NR2F2: variants seen among roughly 807,000 people sequenced by gnomAD.
NR2F2 encodes COUP transcription factor 2.
In NR2F2, 2 loss-of-function variants were observed where a neutral mutation model predicts 34.8. That is an observed-to-expected ratio of 0.06 (90% CI 0.02 to 0.18). NR2F2 has a LOEUF of 0.18. Among genes scored for constraint, NR2F2 ranks in the 10% least tolerant of loss-of-function variants. The pLI, the probability that NR2F2 is intolerant of heterozygous loss-of-function variation, is 1.00. For synonymous variants in NR2F2, 274 were observed against 251.8 expected (o/e 1.09, Z -0.84); for missense variants, 300 against 580.1 (o/e 0.52, Z 4.96).
chr15:96,334,737 G>A, intron 2 of NR2F2, 134 bp downstream of exon 2: 2 of 969,974 alleles, frequency 2.1e-6, no homozygotes, highest in African/African-American at 3.3e-5. Flanking sequence ...CTTAAAGTGG[G>A]AACTTTTTAT....
intron 2 of NR2F2, among the ~76,000 whole-genome samples, chr15:96,336,033 C>A (rs1899314684): frequency 2.0e-5 from 3 of 152,250 alleles, no homozygotes. Context: ...CTCCCTACCT[C>A]ATAGCCACCT....
chr15:96,326,226 C>A (rs759292116), upstream of NR2F2: 4 of 1,128,510 alleles, frequency 3.5e-6, no homozygotes, highest in Non-Finnish European at 5.4e-6. This position sits in a 1 kb window ranked among gnomAD's most constrained non-coding sequence, Gnocchi z 5.5. Context: ...CTTTAATTAT[C>A]AAAGACACAT....
upstream of NR2F2, among the ~76,000 whole-genome samples, chr15:96,329,034 G>C (rs1021839453): frequency 3.3e-5 from 5 of 151,954 alleles, no homozygotes; most frequent in Non-Finnish European, 5.9e-5. Flanking sequence ...TCTTTACCCT[G>C]TCAATTTTTT....
In NR2F2 at chr15:96,331,470, T is replaced by C. The variant is rs1899139643; in HGVS notation, c.-636T>C. 1 of 1,230,724 alleles carries C rather than the reference T, an allele frequency of 8.1e-7. No individual in the cohort carries two copies. Among genetic ancestry groups the C allele is most frequent in the East Asian group, 3.2e-5 (1 of 31,636 alleles). 76.2% of individuals were successfully genotyped at this position (1,230,724 alleles called of 1,614,324 possible). A position where few individuals can be genotyped will look rare whatever the true frequency, so the allele number is the denominator to read the frequency against. On this transcript the variant is annotated 5_prime_UTR_variant, in exon 1 of 3. Coordinates refer to ENST00000394166, the MANE Select transcript of NR2F2 (RefSeq NM_021005.4). ...GCCTCCGATCTCCTAGTCCTCCTGA[T>C]TTCGATGGCTTTCCTGAATGGCTGA...
In NR2F2 at chr15:96,337,308, T is replaced by TTC. The variant is rs1555447454; in HGVS notation, c.971-39_971-38insCT. The TTC allele has an allele frequency of 1.9e-5, 28 of 1,469,062 alleles. No homozygotes were observed. In the African/African-American group the frequency reaches 3.3e-4, roughly 17 times the overall value. The allele number at this position is 1,469,062 out of a possible 1,614,324, so 91.0% of individuals were successfully genotyped here. A position where few individuals can be genotyped will look rare whatever the true frequency, so the allele number is the denominator to read the frequency against. On this transcript the variant is annotated intron_variant, in intron 2 of 2. Coordinates refer to ENST00000394166, the MANE Select transcript of NR2F2 (RefSeq NM_021005.4). Reference sequence around the variant, plus strand: ...TCTTCTTCTTCTTCTTCTTCTTCTTTTTCTTCTTCTTCTTCTTCTGTTTTT... The same window carrying TTC: ...TCTTCTTCTTCTTCTTCTTCTTCTTTTCTTCTTCTTCTTCTTCTTCTGTTTTT...
chr15:96,330,573 G>C (rs1056001250), upstream of NR2F2: 1 of 150,494 alleles, frequency 6.6e-6, no homozygotes, highest in African/African-American at 2.4e-5. Context: ...GGGGCGGCGC[G>C]CGCGCGCCTG....
chr15:96,327,516 A>G (rs1899025278), upstream of NR2F2, among the ~76,000 whole-genome samples: 1 of 152,226 alleles, frequency 6.6e-6, no homozygotes, highest in African/African-American at 2.4e-5. Context: ...CCTAACTCTG[A>G]CAGCCCCTGG....
upstream of NR2F2, chr15:96,326,941 G>C (rs973938267): frequency 1.3e-5 from 2 of 153,198 alleles, no homozygotes; most frequent in African/African-American, 2.4e-5. This position sits in a 1 kb window ranked among gnomAD's most constrained non-coding sequence, Gnocchi z 5.5. Flanking sequence ...GAATCGCGAC[G>C]AGAAGGGTAC....
At position 96,334,407 on chromosome 15, in the gene NR2F2, G is replaced by T; in HGVS notation, c.774G>T (p.Ala258=). 1 of 1,614,094 alleles carries T rather than the reference G, an allele frequency of 6.2e-7. No homozygotes were observed. The highest frequency in any genetic ancestry group is 8.5e-7 in the Non-Finnish European group (1 of 1,180,000). The stretch of plus-strand genomic sequence containing the variant: ...GCGAGCTGTTTGTGTTGAATGCGGC[G>T]CAGTGCTCCATGCCCCTCCACGTCG... ...TWSELFVLNA[A]QCSMPLHVAP... The change falls in exon 2 of 3, where the codon GCG becomes GCT. Residue 258 remains alanine (A), a synonymous_variant. Coordinates refer to ENST00000394166, the MANE Select transcript of NR2F2 (RefSeq NM_021005.4).
rs762456873 is a variant in NR2F2, at chr15:96,337,645, G to C, written c.*23G>C. On this transcript the variant is annotated 3_prime_UTR_variant, in exon 3 of 3. Transcript: ENST00000394166. ...TAAATAAATAAAATAAGAAGGGGGAGTGAAACAGAGAAAGAAAAGGCAAAA... is the reference window on the plus strand; with the variant it reads ...TAAATAAATAAAATAAGAAGGGGGACTGAAACAGAGAAAGAAAAGGCAAAA... 6.3e-7 allele frequency: 1 copy of C among 1,599,624 alleles called. No individual in the cohort carries two copies. The highest frequency in any genetic ancestry group is 8.5e-7 in the Non-Finnish European group (1 of 1,171,844).
chr15:96,331,192 G>A lies in NR2F2; in HGVS notation c.-914G>A, dbSNP rs1200684050. 4 of 973,082 alleles carry A rather than the reference G, an allele frequency of 4.1e-6. No homozygotes were observed. Among genetic ancestry groups the A allele is most frequent in the Non-Finnish European group, 4.9e-6 (4 of 820,418 alleles). The allele number at this position is 973,082 out of a possible 1,614,324, so 60.3% of individuals were successfully genotyped here. A position where few individuals can be genotyped will look rare whatever the true frequency, so the allele number is the denominator to read the frequency against. On this transcript the variant is annotated 5_prime_UTR_variant, in exon 1 of 3. Transcript: ENST00000394166. ...CTCCGGCGGCAGCGGCGGCCCGGGCGGCCCGCAGGGAACGGCGAGCGGCCT... is the reference window on the plus strand; with the variant it reads ...CTCCGGCGGCAGCGGCGGCCCGGGCAGCCCGCAGGGAACGGCGAGCGGCCT...
At chr15:96,337,024 T>A (rs558908599) in intron 2 of NR2F2, among the ~76,000 whole-genome samples, 2 of 152,156 alleles carry the variant, frequency 1.3e-5, no homozygotes, top group African/African-American at 2.4e-5. Context: ...ACAGACCCAA[T>A]GCACTTTTGC....
intron 2 of NR2F2, among the ~76,000 whole-genome samples, chr15:96,335,258 CCAAG>C (rs1157771671): frequency 1.3e-5 from 2 of 152,196 alleles, no homozygotes; most frequent in African/African-American, 4.8e-5. Context: ...CTTCCCCTGC[CCAAG>C]CAAACACTTA....
At position 96,338,380 on chromosome 15, in the gene NR2F2, A is replaced by G. The variant is rs1413148466; in HGVS notation, c.*758A>G. ...GCTTTTAAAAAATATTTTAAGAAAGAGAATGAACTGTGGAATTTATTGGCA... is the reference window on the plus strand; with the variant it reads ...GCTTTTAAAAAATATTTTAAGAAAGGGAATGAACTGTGGAATTTATTGGCA... On this transcript the variant is annotated 3_prime_UTR_variant, in exon 3 of 3. Coordinates refer to ENST00000394166, the MANE Select transcript of NR2F2 (RefSeq NM_021005.4). 2 of 152,636 alleles carry G rather than the reference A, an allele frequency of 1.3e-5. No individual in the cohort carries two copies. The highest frequency in any genetic ancestry group is 2.4e-5 in the African/African-American group (1 of 41,458). The allele number at this position is 152,636 out of a possible 1,614,324, so 9.5% of individuals were successfully genotyped here. A position where few individuals can be genotyped will look rare whatever the true frequency, so the allele number is the denominator to read the frequency against.
At position 96,331,394 on chromosome 15, in the gene NR2F2, G is replaced by GCCGGCCTCCGCC. The variant is rs1178581347; in HGVS notation, c.-704_-693dup. On this transcript the variant is annotated 5_prime_UTR_variant, in exon 1 of 3. Coordinates refer to ENST00000394166, the MANE Select transcript of NR2F2 (RefSeq NM_021005.4). ...CAGCGCTCCGGCCACTCCGCGGGCC[G>GCCGGCCTCCGCC]CCGGCCTCCGCCCCGGCCTGCCTGG... 15 of 1,227,146 alleles carry GCCGGCCTCCGCC rather than the reference G, an allele frequency of 1.2e-5. No homozygotes were observed. The highest frequency in any genetic ancestry group is 1.3e-5 in the Non-Finnish European group (13 of 985,298). 76.0% of individuals were successfully genotyped at this position (1,227,146 alleles called of 1,614,324 possible). A position where few individuals can be genotyped will look rare whatever the true frequency, so the allele number is the denominator to read the frequency against.
upstream of NR2F2, among the ~76,000 whole-genome samples, chr15:96,328,022 T>A (rs2141162650): frequency 6.6e-6 from 1 of 152,362 alleles, no homozygotes; most frequent in South Asian, 2.1e-4. Context: ...GCACAGCAAG[T>A]GAGCATCTCT....
Position 96,339,704 on chromosome 15 carries a change from C to T in NR2F2, c.*2082C>T, listed in dbSNP as rs191933027. 6.6e-6 allele frequency: 1 copy of T among 152,142 alleles called. No homozygotes were observed. The highest frequency in any genetic ancestry group is 1.5e-5 in the Non-Finnish European group (1 of 68,028). The allele number at this position is 152,142 out of a possible 1,614,324, so 9.4% of individuals were successfully genotyped here. ...GCTGATTTGGAAGTAGTAACTATTT[C>T]TTTTGGAGTCTTTTTTTCATTTTTC... On this transcript the variant is annotated 3_prime_UTR_variant, in exon 3 of 3. Transcript: ENST00000394166.
intron 2 of NR2F2, among the ~76,000 whole-genome samples, chr15:96,335,822 T>C (rs1195327604): frequency 6.6e-6 from 1 of 152,252 alleles, no homozygotes; most frequent in Non-Finnish European, 1.5e-5. Context: ...CTCAAACTGC[T>C]GTCTTGTACA....
rs1899454345 is a variant in NR2F2 at position 96,339,960 on chromosome 15, A to C, written c.*2338A>C. On this transcript the variant is annotated 3_prime_UTR_variant, in exon 3 of 3. Coordinates refer to ENST00000394166, the MANE Select transcript of NR2F2 (RefSeq NM_021005.4). ...ATCCAGTCAATACATGCAGACCAGT[A>C]AAATCTGATTTGTGCAGAGTTCTCC... The C allele has an allele frequency of 6.6e-6, 1 of 152,216 alleles. No individual in the cohort carries two copies. Among genetic ancestry groups the C allele is most frequent in the African/African-American group, 2.4e-5 (1 of 41,446 alleles). 9.4% of individuals were successfully genotyped at this position (152,216 alleles called of 1,614,324 possible).
Sources: gnomAD v4.1 joint callset for allele counts (sites outside exome capture counted in the v4.1 genomes callset) on GRCh38, gnomAD v4.1.1 for gene constraint, Gnocchi (gnomAD v3.1) non-coding constraint, MANE v1.5 for transcripts, NCBI Gene and HGNC (gene_info 2026-07-23, HGNC 2026-07-21) for gene names.